The following SHISA6 variants were observed in gnomAD, a reference collection of about 807,000 sequenced individuals.
The protein encoded by SHISA6 is shisa family member 6.
A neutral mutation model predicts 47.9 loss-of-function variants in SHISA6; 22 were observed. That is an observed-to-expected ratio of 0.46 (90% confidence interval 0.33 to 0.66). The LOEUF (loss-of-function observed/expected upper bound fraction) is 0.66. Ranked by LOEUF, SHISA6 falls within the 30% of genes least tolerant of loss-of-function variation. The pLI, the probability that SHISA6 is intolerant of heterozygous loss-of-function variation, is 0.02. For synonymous variants in SHISA6, 388 were observed against 337.8 expected, an observed-to-expected ratio of 1.15 and a Z score of -1.63; for missense variants, 680 against 764.6, an observed-to-expected ratio of 0.89 and a Z score of 1.30.
At chr17:11,342,703 A>G (rs987662204) in intron 2 of SHISA6, among the ~76,000 whole-genome samples, 3 of 152,172 alleles carry the variant, frequency 2.0e-5, no homozygotes, top group African/African-American at 7.2e-5. Flanking sequence ...CACTGCACAA[A>G]TATTTCTAGA....
At chr17:11,397,783 C>T (rs1913624478) in intron 3 of SHISA6, among the ~76,000 whole-genome samples, 2 of 150,474 alleles carry the variant, frequency 1.3e-5, no homozygotes, top group South Asian at 4.2e-4. Flanking sequence ...TCTTTGAAGT[C>T]TTGGTTTTGC....
At chr17:11,512,454 A>AT (rs2071548944) in intron 3 of SHISA6, among the ~76,000 whole-genome samples, 1 of 152,220 alleles carries the variant, frequency 6.6e-6, no homozygotes, top group African/African-American at 2.4e-5. Flanking sequence ...GTTAACTTGC[A>AT]TATATCACTT....
At chr17:11,275,330 G>A (rs1394878793) in intron 2 of SHISA6, among the ~76,000 whole-genome samples, 1 of 152,070 alleles carries the variant, frequency 6.6e-6, no homozygotes, top group Non-Finnish European at 1.5e-5. Context: ...GGGGCCTACA[G>A]TGAGAAACCC....
At chr17:11,466,184 T>A (rs1234272054) in intron 3 of SHISA6, among the ~76,000 whole-genome samples, 1 of 152,182 alleles carries the variant, frequency 6.6e-6, no homozygotes, top group Non-Finnish European at 1.5e-5. Flanking sequence ...AAGTGCCTGC[T>A]GGACACATAA....
At chr17:11,265,054 A>C (rs948923384) in intron 2 of SHISA6, among the ~76,000 whole-genome samples, 2 of 152,238 alleles carry the variant, frequency 1.3e-5, no homozygotes, top group Non-Finnish European at 2.9e-5. Context: ...TAAAACAAGC[A>C]ATAGAAGGAA....
chr17:11,344,267 G>A (rs1331144205), intron 2 of SHISA6, among the ~76,000 whole-genome samples: 1 of 152,130 alleles, frequency 6.6e-6, no homozygotes, highest in Non-Finnish European at 1.5e-5. Context: ...CCTTCGTTCT[G>A]TAAGTTGTCT....
At position 11,551,891 on chromosome 17, in the gene SHISA6, T is replaced by A. The variant is rs2071934812; in HGVS notation, c.896-5T>A. On this transcript the variant is annotated splice_region_variant and splice_polypyrimidine_tract_variant and intron_variant, in intron 3 of 5. Transcript: ENST00000441885. Reference sequence around the variant, plus strand: ...CTTTAAAAATTTCTTTTCTATGATTTTCAGGTGATCATCAATATAACCATC... The same window carrying A: ...CTTTAAAAATTTCTTTTCTATGATTATCAGGTGATCATCAATATAACCATC... 6.4e-7 allele frequency: 1 copy of A among 1,551,634 alleles called. No individual in the cohort carries two copies. Among genetic ancestry groups the A allele is most frequent in the East Asian group, 2.4e-5 (1 of 40,916 alleles).
intron 2 of SHISA6, among the ~76,000 whole-genome samples, chr17:11,271,029 G>T (rs996702827): frequency 4.8e-4 from 73 of 152,314 alleles, no homozygotes; most frequent in African/African-American, 1.7e-3. Context: ...AGGGTCTCTA[G>T]GGTGCAAATG....
At chr17:11,475,596 AG>A (rs1379232278) in intron 3 of SHISA6, among the ~76,000 whole-genome samples, 2 of 152,010 alleles carry the variant, frequency 1.3e-5, no homozygotes, top group African/African-American at 4.8e-5. Flanking sequence ...GGTTTTTTAA[AG>A]TTGAGCCAGC....
intron 3 of SHISA6, among the ~76,000 whole-genome samples, chr17:11,381,510 G>A (rs1016734374): frequency 3.3e-5 from 5 of 152,138 alleles, no homozygotes; most frequent in African/African-American, 1.2e-4. Flanking sequence ...GTCTTCCCAG[G>A]GAAGGCCTCT....
intron 3 of SHISA6, among the ~76,000 whole-genome samples, chr17:11,505,226 T>TAAGTAGGAGGTGG (rs2071489406): frequency 6.6e-6 from 1 of 152,224 alleles, no homozygotes; most frequent in Non-Finnish European, 1.5e-5. Context: ...ACCTCTCCTC[T>TAAGTAGGAGGTGG]AAGTAGGAGG....
intron 3 of SHISA6, among the ~76,000 whole-genome samples, chr17:11,506,654 G>A (rs1203233105): frequency 6.6e-6 from 1 of 152,160 alleles, no homozygotes; most frequent in Non-Finnish European, 1.5e-5. Context: ...CAAAGTTGGG[G>A]TGGAACATTT....
intron 3 of SHISA6, among the ~76,000 whole-genome samples, chr17:11,481,376 A>G (rs954812097): frequency 6.7e-6 from 1 of 149,860 alleles, no homozygotes; most frequent in Non-Finnish European, 1.5e-5. Context: ...GTATATATAT[A>G]TATATATATA....
chr17:11,292,483 G>A (rs960446538), intron 2 of SHISA6, among the ~76,000 whole-genome samples: 1 of 151,992 alleles, frequency 6.6e-6, no homozygotes, highest in Non-Finnish European at 1.5e-5. Context: ...AAAAATATAC[G>A]AATTTGGGGG....
At chr17:11,477,291 A>G (rs1446760459) in intron 3 of SHISA6, among the ~76,000 whole-genome samples, 19 of 149,366 alleles carry the variant, frequency 1.3e-4, no homozygotes, top group Non-Finnish European at 1.0e-4. Flanking sequence ...ATTAGTATCT[A>G]CCATATTTAT....
At chr17:11,347,708 T>G (rs1435603568) in intron 2 of SHISA6, among the ~76,000 whole-genome samples, 2 of 152,064 alleles carry the variant, frequency 1.3e-5, no homozygotes, top group African/African-American at 4.8e-5. Flanking sequence ...GCAGTGTGGG[T>G]AGGCACATGA....
At chr17:11,469,497 A>G (rs1226906565) in intron 3 of SHISA6, among the ~76,000 whole-genome samples, 2 of 152,192 alleles carry the variant, frequency 1.3e-5, no homozygotes, top group Non-Finnish European at 2.9e-5. Flanking sequence ...CTGTTGTTTT[A>G]TGCCACTGAG....
Position 11,560,108 on chromosome 17 carries a change from A to G in SHISA6, c.*1804A>G, listed in dbSNP as rs975956701. Reference sequence around the variant, plus strand: ...TTGGTGTCAGCCCTGGAGATTTTTAATCTAACCAAGTCCACAAACCACAGA... The same window carrying G: ...TTGGTGTCAGCCCTGGAGATTTTTAGTCTAACCAAGTCCACAAACCACAGA... On this transcript the variant is annotated 3_prime_UTR_variant, in exon 6 of 6. Transcript: ENST00000441885. 1.3e-5 allele frequency: 2 copies of G among 152,176 alleles called. No individual in the cohort carries two copies. Among genetic ancestry groups the G allele is most frequent in the Non-Finnish European group, 2.9e-5 (2 of 68,062 alleles). 9.4% of individuals were successfully genotyped at this position (152,176 alleles called of 1,614,324 possible).
intron 3 of SHISA6, among the ~76,000 whole-genome samples, chr17:11,405,959 A>G (rs1419128052): frequency 6.6e-6 from 1 of 152,210 alleles, no homozygotes; most frequent in Non-Finnish European, 1.5e-5. Flanking sequence ...GCTGCACTGC[A>G]TATGTTTTTC....
Sources: allele counts gnomAD v4.1 joint callset (sites outside exome capture counted in the v4.1 genomes callset), GRCh38; gene constraint gnomAD v4.1.1; transcripts MANE v1.5; gene names NCBI Gene and HGNC (gene_info 2026-07-23, HGNC 2026-07-21).